The following MORN5 variants were observed in gnomAD, a reference collection of about 807,000 sequenced individuals.
The protein encoded by MORN5 is MORN repeat containing 5, also known as MORN repeat-containing protein 5.
In MORN5, 21 loss-of-function variants were observed where a neutral mutation model predicts 22.1. That is an observed-to-expected ratio of 0.95 (90% CI 0.67 to 1.37). MORN5 has a LOEUF of 1.37. Ranked by LOEUF, MORN5 falls within the 40% of genes most tolerant of loss-of-function variation. The pLI, the probability that MORN5 is intolerant of heterozygous loss-of-function variation, is 0.00. For synonymous variants in MORN5, 73 were observed against 74.0 expected, an observed-to-expected ratio of 0.99 and a Z score of 0.07; for missense variants, 211 against 215.1, an observed-to-expected ratio of 0.98 and a Z score of 0.12.
intron 1 of MORN5, 71 bp downstream of exon 1, chr9:122,160,090 C>A: frequency 7.2e-7 from 1 of 1,393,906 alleles, no homozygotes; most frequent in Non-Finnish European, 9.9e-7. Context: ...CTTTTTGCTT[C>A]TGCGAAACAC....
chr9:122,195,109 G>A (rs1410375318), intron 4 of MORN5, among the ~76,000 whole-genome samples: 1 of 152,062 alleles, frequency 6.6e-6, no homozygotes, highest in Non-Finnish European at 1.5e-5. Context: ...ACATCAATCT[G>A]GATGTCTGGG....
At chr9:122,168,324 G>T (rs1156304358) in intron 2 of MORN5, among the ~76,000 whole-genome samples, 1 of 152,190 alleles carries the variant, frequency 6.6e-6, no homozygotes, top group Non-Finnish European at 1.5e-5. Context: ...CCTGGTATTT[G>T]TGAGTCATGA....
At chr9:122,174,933 C>A in intron 4 of MORN5, 1 of 925,364 alleles carries the variant, frequency 1.1e-6, no homozygotes, top group Non-Finnish European at 1.3e-6. Context: ...CTACTATATG[C>A]TAGACACTGT....
intron 3 of MORN5, among the ~76,000 whole-genome samples, chr9:122,170,155 G>C (rs112289531): frequency 6.6e-6 from 1 of 152,110 alleles, no homozygotes; most frequent in Non-Finnish European, 1.5e-5. Flanking sequence ...AAAATTAGCC[G>C]GGTGTGGTGG....
At chr9:122,194,356 C>G (rs1038390178) in intron 4 of MORN5, among the ~76,000 whole-genome samples, 1 of 152,194 alleles carries the variant, frequency 6.6e-6, no homozygotes, top group African/African-American at 2.4e-5. Context: ...CTCCTGGTCT[C>G]ACTGGAGCTT....
intron 1 of MORN5, among the ~76,000 whole-genome samples, chr9:122,163,795 T>C (rs952124498): frequency 4.6e-5 from 7 of 152,204 alleles, no homozygotes; most frequent in Non-Finnish European, 1.0e-4. Context: ...ATAAAACTTA[T>C]TTCATCTCTG....
chr9:122,167,013 T>A, intron 2 of MORN5, 98 bp downstream of exon 2: 1 of 1,196,286 alleles, frequency 8.4e-7, no homozygotes, highest in Non-Finnish European at 1.2e-6. Context: ...GTGCCCACCT[T>A]GTTCCATTCA....
chr9:122,165,422 T>TAAAAAAAAA (rs1829262303), intron 1 of MORN5, among the ~76,000 whole-genome samples: 1 of 124,956 alleles, frequency 8.0e-6, no homozygotes, highest in Non-Finnish European at 1.7e-5. Flanking sequence ...AAAAAAAAAT[T>TAAAAAAAAA]AAATAAGCCA....
At chr9:122,184,115 C>T (rs1829575890) in intron 4 of MORN5, among the ~76,000 whole-genome samples, 1 of 152,176 alleles carries the variant, frequency 6.6e-6, no homozygotes, top group Non-Finnish European at 1.5e-5. Flanking sequence ...GCACCAGACC[C>T]TCAACCAAGG....
At chr9:122,195,539 C>G (rs991466264) in intron 4 of MORN5, among the ~76,000 whole-genome samples, 2 of 152,112 alleles carry the variant, frequency 1.3e-5, no homozygotes, top group Admixed American at 1.3e-4. Flanking sequence ...TGGAATCTGT[C>G]TGATGTTTTT....
chr9:122,166,942 T>TGGAGGA, intron 2 of MORN5, 27 bp downstream of exon 2: 1 of 1,603,638 alleles, frequency 6.2e-7, no homozygotes, highest in Non-Finnish European at 8.5e-7. Flanking sequence ...ACGGATGCTG[T>TGGAGGA]GGAGGAGAGA....
At chr9:122,196,573 C>T (rs1008894578) in intron 4 of MORN5, among the ~76,000 whole-genome samples, 6 of 151,376 alleles carry the variant, frequency 4.0e-5, no homozygotes, top group Admixed American at 1.3e-4. Context: ...CCTCGTGATC[C>T]ACCCACCTCA....
Position 122,188,021 on chromosome 9 carries a change from T to G in MORN5, c.440-11864T>G, listed in dbSNP as rs185832796. ...TCCAGATGGAGCAGCTGAAAAGGCTTGTGTGTTGGGGAATGGGGAAGGTGT... is the reference window on the plus strand; with the variant it reads ...TCCAGATGGAGCAGCTGAAAAGGCTGGTGTGTTGGGGAATGGGGAAGGTGT... On this transcript the variant is annotated intron_variant, in intron 4 of 4. Transcript: ENST00000373764. 3.2e-3 allele frequency among the ~76,000 whole-genome samples: 483 copies of G among 152,024 alleles called. 4 individuals are homozygous for G. The highest frequency in any genetic ancestry group is 0.011 in the African/African-American group (457 of 41,386).
chr9:122,169,649 C>G lies in MORN5; in HGVS notation c.200C>G (p.Thr67Arg), dbSNP rs760458404. ...TGTGTGCTCCTTGTCTTCCAGGGCA[C>G]ATATACGTTCTCAGATGGGCTGCAC... ...IWENGLAIKGTYTFSDGLHYD... is the reference protein window; with the variant it reads ...IWENGLAIKGRYTFSDGLHYD... Residue 67 changes from threonine (T) to arginine (R), a missense_variant, in exon 3 of 5, where the codon ACA becomes AGA. Transcript: ENST00000373764. 1 of 1,611,614 alleles carries G rather than the reference C, an allele frequency of 6.2e-7. No individual in the cohort carries two copies. The highest frequency in any genetic ancestry group is 1.7e-5 in the Admixed American group (1 of 60,016).
chr9:122,168,494 C>T (rs1588302243), intron 2 of MORN5, among the ~76,000 whole-genome samples: 1 of 152,178 alleles, frequency 6.6e-6, no homozygotes, highest in East Asian at 1.9e-4. Context: ...TTAAGAAAGG[C>T]TCCTTGTTTT....
chr9:122,184,717 C>T (rs1034381124), intron 4 of MORN5, among the ~76,000 whole-genome samples: 2 of 152,104 alleles, frequency 1.3e-5, no homozygotes, highest in African/African-American at 4.8e-5. Context: ...CCACAGTAAC[C>T]CTGCAAAGTC....
At chr9:122,168,550 G>A (rs1396854635) in intron 2 of MORN5, among the ~76,000 whole-genome samples, 1 of 152,170 alleles carries the variant, frequency 6.6e-6, no homozygotes, top group Non-Finnish European at 1.5e-5. Context: ...TGACTTTCCC[G>A]AGGTCACACA....
intron 4 of MORN5, among the ~76,000 whole-genome samples, chr9:122,196,550 C>T (rs1829895907): frequency 1.3e-5 from 2 of 151,702 alleles, no homozygotes; most frequent in South Asian, 2.1e-4. Flanking sequence ...CCAGGATGGC[C>T]TTGATCTCTT....
At chr9:122,182,283 G>A (rs143155812) in intron 4 of MORN5, among the ~76,000 whole-genome samples, 39 of 152,156 alleles carry the variant, frequency 2.6e-4, no homozygotes, top group Non-Finnish European at 5.0e-4. Flanking sequence ...TCTTTTCTCC[G>A]CCCATCTCAG....
Sources: gnomAD v4.1 joint callset for allele counts (sites outside exome capture counted in the v4.1 genomes callset) on GRCh38, gnomAD v4.1.1 for gene constraint, MANE v1.5 for transcripts, NCBI Gene and HGNC (gene_info 2026-07-23, HGNC 2026-07-21) for gene names.